The following TTC14 variants were observed in gnomAD, a reference collection of about 807,000 sequenced individuals.
TTC14 encodes tetratricopeptide repeat protein 14.
TTC14 carries 63 observed loss-of-function variants against 79.9 expected under a neutral mutation model. The ratio of observed to expected loss-of-function variants is 0.79; its 90% CI spans 0.64 to 0.97. The LOEUF is 0.97. Ranked by LOEUF, TTC14 falls within the 50% of genes least tolerant of loss-of-function variation. The pLI, the probability that TTC14 is intolerant of heterozygous loss-of-function variation, is 0.00. For synonymous variants in TTC14, 335 were observed against 309.6 expected, an observed-to-expected ratio of 1.08 and a Z score of -0.86; for missense variants, 895 against 894.0, an observed-to-expected ratio of 1.00 and a Z score of -0.01.
Position 180,610,368 on chromosome 3 carries a change from AAGAG to A in TTC14, c.2142_2145del (p.Glu715ThrfsTer17), listed in dbSNP as rs747331951. 14 of 1,613,624 alleles carry A rather than the reference AAGAG, an allele frequency of 8.7e-6. No individual in the cohort carries two copies. Among genetic ancestry groups the A allele is most frequent in the East Asian group, 2.2e-5 (1 of 44,866 alleles). Reference sequence around the variant, plus strand: ...TAAATACAAATCAAGGAGAATATGAAAGAGAGGACAATTATGGGGAGGATATCAA... The same window carrying A: ...TAAATACAAATCAAGGAGAATATGAAAGGACAATTATGGGGAGGATATCAA... On this transcript the variant is annotated frameshift_variant, in exon 12 of 12. Transcript: ENST00000296015. LOFTEE classifies it high-confidence loss of function.
downstream of TTC14, among the ~76,000 whole-genome samples, chr3:180,615,615 C>CT (rs1314615471): frequency 6.6e-6 from 1 of 151,878 alleles, no homozygotes; most frequent in Non-Finnish European, 1.5e-5. Flanking sequence ...AAATGAAACA[C>CT]TTTTTTTAGG....
In TTC14 at chr3:180,604,841, AT is replaced by A. The variant is rs764639937; in HGVS notation, c.702-4del. ...GTCATTTTACAATTTTTGTGTTTGT[AT>A]TTTTTTAAGGAGAAGTGTTGAGCTA... On this transcript the variant is annotated splice_polypyrimidine_tract_variant and intron_variant, in intron 5 of 11. Coordinates refer to ENST00000296015, the MANE Select transcript of TTC14 (RefSeq NM_133462.4). 2.8e-5 allele frequency: 44 copies of A among 1,587,850 alleles called. No homozygotes were observed. Among genetic ancestry groups the A allele is most frequent in the Admixed American group, 1.9e-5 (1 of 52,784 alleles).
At position 180,602,319 on chromosome 3, in the gene TTC14, C is replaced by T. The variant is rs1327761078; in HGVS notation, c.58C>T (p.Leu20=). 2 of 1,613,958 alleles carry T rather than the reference C, an allele frequency of 1.2e-6. No individual in the cohort carries two copies. The highest frequency in any genetic ancestry group is 3.3e-5 in the Admixed American group (2 of 60,034). Residue 20 remains leucine, a synonymous_variant, in exon 1 of 12, where the codon CTA becomes TTA. Coordinates refer to ENST00000296015, the MANE Select transcript of TTC14 (RefSeq NM_133462.4). ...TTGCCACGGGTCGTCTTTGCTCTCT[C>T]TACTTCGGAGCGAACAGCAGGACAA... is the stretch of plus-strand genomic sequence containing the variant. ...LNCHGSSLLS[L]LRSEQQDNPH... is the part of the protein sequence containing the mutation.
intron 11 of TTC14, 187 bp from the exon 12 acceptor site, chr3:180,609,443 G>A: frequency 7.7e-7 from 1 of 1,293,346 alleles, no homozygotes; most frequent in Non-Finnish European, 9.8e-7. Flanking sequence ...ATACCTGTCT[G>A]CAAGCATTTT....
intron 5 of TTC14, 22 bp from the exon 6 acceptor site, chr3:180,604,830 T>A: frequency 6.3e-7 from 1 of 1,585,080 alleles, no homozygotes. Flanking sequence ...TTTTACAATT[T>A]TTGTGTTTGT....
In TTC14 at chr3:180,605,647, T is replaced by C; in HGVS notation, c.858-119T>C. ...CAAAGATTTTGGTATGTAAATAGAA[T>C]GCAGATTTCTTGCTTGGGATTCATA... On this transcript the variant is annotated intron_variant, in intron 6 of 11. Coordinates refer to ENST00000296015, the MANE Select transcript of TTC14 (RefSeq NM_133462.4). 3 of 652,072 alleles carry C rather than the reference T, an allele frequency of 4.6e-6. No homozygotes were observed. The South Asian group carries it at 6.3e-5, about 14-fold the overall frequency. The allele number at this position is 652,072 out of a possible 1,614,324, so 40.4% of individuals were successfully genotyped here.
intron 7 of TTC14, 32 bp from the exon 8 acceptor site, chr3:180,606,221 T>C (rs773922895): frequency 6.2e-7 from 1 of 1,608,480 alleles, no homozygotes; most frequent in Non-Finnish European, 8.5e-7. Context: ...TTGTTTGAAG[T>C]GTTTGTGATG....
At chr3:180,616,861 C>A in intron 12 of TTC14, 1 of 1,608,010 alleles carries the variant, frequency 6.2e-7, no homozygotes, top group Non-Finnish European at 8.5e-7. Context: ...GGCTTCTGCT[C>A]CTCCGTTTCT....
At position 180,609,636 on chromosome 3, in the gene TTC14, G is replaced by C; in HGVS notation, c.1407G>C (p.Lys469Asn). Reference sequence around the variant, plus strand: ...AATGAACTGTTTTTTTTAGGCTAAAGAAGAAAAGAAGAAAATCAACTTCTT... The same window carrying C: ...AATGAACTGTTTTTTTTAGGCTAAACAAGAAAAGAAGAAAATCAACTTCTT... ...RKLLKEEKRL[K>N]KKRRKSTSSS... The change falls in exon 12 of 12, where the codon AAG becomes AAC. Residue 469 changes from lysine (K) to asparagine (N), a missense_variant. Coordinates refer to ENST00000296015, the MANE Select transcript of TTC14 (RefSeq NM_133462.4). 1 of 1,549,686 alleles carries C rather than the reference G, an allele frequency of 6.5e-7. No homozygotes were observed. Among genetic ancestry groups the C allele is most frequent in the South Asian group, 1.3e-5 (1 of 78,622 alleles).
chr3:180,615,361 A>C (rs1717192168), downstream of TTC14, among the ~76,000 whole-genome samples: 2 of 152,158 alleles, frequency 1.3e-5, no homozygotes, highest in Admixed American at 1.3e-4. Context: ...TAGAGTTGGA[A>C]TCATTAAGCA....
At chr3:180,609,320 G>C (rs908559207) in intron 11 of TTC14, 4 of 1,021,638 alleles carry the variant, frequency 3.9e-6, no homozygotes, top group Non-Finnish European at 3.5e-6. Context: ...CCATGAACTA[G>C]AGGTAGCCAA....
At chr3:180,618,036 T>C (rs1204723416), downstream of TTC14, among the ~76,000 whole-genome samples, 1 of 152,146 alleles carries the variant, frequency 6.6e-6, no homozygotes, top group East Asian at 1.9e-4. Context: ...TTTAGATTTG[T>C]TTAGATACAC....
At chr3:180,615,600 T>C (rs1377969571), downstream of TTC14, among the ~76,000 whole-genome samples, 1 of 152,166 alleles carries the variant, frequency 6.6e-6, no homozygotes, top group East Asian at 1.9e-4. Context: ...CAGTTTTTTA[T>C]ACTTAAATGA....
chr3:180,614,683 G>GC (rs1227339700), downstream of TTC14: 1 of 406,452 alleles, frequency 2.5e-6, no homozygotes, highest in Non-Finnish European at 4.3e-6. Flanking sequence ...GTGAAATACA[G>GC]CATTTTTCCT....
In TTC14 at chr3:180,616,952, T is replaced by C. The variant is rs886038749; in HGVS notation, c.1775-428T>C. 2.1e-6 allele frequency: 3 copies of C among 1,423,772 alleles called. No individual in the cohort carries two copies. Among genetic ancestry groups the C allele is most frequent in the Admixed American group, 2.0e-5 (1 of 49,142 alleles). The allele number at this position is 1,423,772 out of a possible 1,614,324, so 88.2% of individuals were successfully genotyped here. A position where few individuals can be genotyped will look rare whatever the true frequency, so the allele number is the denominator to read the frequency against. ...TTGCCAAATGTTCTATAACATCTAA[T>C]GTATTTTCCATGCTCTGTAGAAAAA... On this transcript the variant is annotated intron_variant, in intron 12 of 12. Transcript: ENST00000382584.
rs565410648 is a variant in TTC14 at position 180,610,057 on chromosome 3, A to G, written c.1828A>G (p.Ser610Gly). 8.7e-6 allele frequency: 14 copies of G among 1,614,060 alleles called. No homozygotes were observed. The highest frequency in any genetic ancestry group is 1.6e-4 in the Middle Eastern group (1 of 6,062). The part of the protein sequence containing the change: ...FYNSYKTQAG[S>G]SKTEKPYKSE... The stretch of plus-strand genomic sequence containing the variant: ...TAACAGCTATAAAACCCAAGCAGGT[A>G]GTAGCAAAACAGAAAAGCCATATAA... The change falls in exon 12 of 12, where the codon AGT becomes GGT. Residue 610 changes from serine (S) to glycine (G), a missense_variant. Transcript: ENST00000296015.
rs112764613 is a variant in TTC14 at position 180,606,021 on chromosome 3, C to T, written c.929+184C>T. 1,511 of 812,754 alleles carry T rather than the reference C, an allele frequency of 1.9e-3. 16 individuals carry two copies. In the African/African-American group the frequency reaches 0.023, roughly 13 times the overall value. The allele number at this position is 812,754 out of a possible 1,614,324, so 50.3% of individuals were successfully genotyped here. On this transcript the variant is annotated intron_variant, in intron 7 of 11. Transcript: ENST00000296015. ...TTACACTTAACAGATAAGTTTTACT[C>T]AGCATTTCAGTTTTCTCAAAAGGAA...
rs1716955762 is a variant in TTC14, at chr3:180,610,694, A to AT, written c.*156dup. 1 of 1,380,280 alleles carries AT rather than the reference A, an allele frequency of 7.2e-7. No individual in the cohort carries two copies. 85.5% of individuals were successfully genotyped at this position (1,380,280 alleles called of 1,614,324 possible). ...ATGCTTTTAAGTAAGTTTTTCTCAA[A>AT]TTTTGTTTCAGTTCTAGGTCCCTTG... On this transcript the variant is annotated 3_prime_UTR_variant, in exon 12 of 12. Transcript: ENST00000296015.
rs1366693316 is a variant in TTC14 at position 180,602,180 on chromosome 3, T to C, written c.-82T>C. ...CAGCCTCCAGACAGTTTCTTCCGCT[T>C]CCTGTACCACCCGGCTCAAGTAGCG... On this transcript the variant is annotated 5_prime_UTR_variant, in exon 1 of 12. Coordinates refer to ENST00000296015, the MANE Select transcript of TTC14 (RefSeq NM_133462.4). The C allele has an allele frequency of 1.3e-6, 2 of 1,546,294 alleles. No individual in the cohort carries two copies. The highest frequency in any genetic ancestry group is 1.8e-6 in the Non-Finnish European group (2 of 1,141,846).
Sources: gnomAD v4.1 joint callset for allele counts (sites outside exome capture counted in the v4.1 genomes callset) on GRCh38, gnomAD v4.1.1 for gene constraint, MANE v1.5 for transcripts, NCBI Gene and HGNC (gene_info 2026-07-23, HGNC 2026-07-21) for gene names.